Variants in LCORL observed in about 807,000 individuals in gnomAD.
LCORL encodes ligand dependent nuclear receptor corepressor like.
A neutral mutation model predicts 141.8 loss-of-function variants in LCORL; 41 were observed. The observed-to-expected ratio is 0.29, with a 90% CI of 0.23 to 0.38. The LOEUF is 0.38. Ranked by LOEUF, LCORL falls within the 10% of genes least tolerant of loss-of-function variation. The pLI is 1.00. For synonymous variants in LCORL, 618 were observed against 694.1 expected, an observed-to-expected ratio of 0.89 and a Z score of 1.72; for missense variants, 1,759 against 2,035.0, an observed-to-expected ratio of 0.86 and a Z score of 2.61.
At chr4:17,989,030 G>A (rs888759727) in intron 1 of LCORL, among the ~76,000 whole-genome samples, 11 of 152,076 alleles carry the variant, frequency 7.2e-5, no homozygotes, top group Admixed American at 3.3e-4. Context: ...TTTCTTTTTG[G>A]TTTCCATGGA....
At chr4:17,873,016 G>C (rs1726538044) in intron 7 of LCORL, among the ~76,000 whole-genome samples, 1 of 151,948 alleles carries the variant, frequency 6.6e-6, no homozygotes, top group Non-Finnish European at 1.5e-5. Context: ...TTATAGTGTG[G>C]TACTTAATTT....
At chr4:18,017,001 T>C (rs1724741524) in intron 1 of LCORL, among the ~76,000 whole-genome samples, 1 of 152,128 alleles carries the variant, frequency 6.6e-6, no homozygotes, top group South Asian at 2.1e-4. Context: ...GAGGTAAATT[T>C]GGAAAAGGAG....
rs200182859 is a variant in LCORL, at chr4:17,986,731, C to CT, written c.155-13847dup. ...TGCTGTTCTCCCGAATCTCAATGAT[C>CT]TTTTTTTTTTCCTATCTATATTCTG... On this transcript the variant is annotated intron_variant, in intron 1 of 7. Transcript: ENST00000635767. Among the ~76,000 whole-genome samples, 24 of 149,818 alleles carry CT rather than the reference C, an allele frequency of 1.6e-4. No homozygotes were observed. In the East Asian group the frequency reaches 2.3e-3, roughly 15 times the overall value.
exon 2 of LCORL, chr4:17,972,853 G>A: frequency 7.0e-7 from 1 of 1,437,430 alleles, no homozygotes; most frequent in Non-Finnish European, 9.1e-7. Context: ...CGTAGCCGTG[G>A]TCCATAAAGC....
At chr4:17,907,262 G>A (rs539235456) in intron 5 of LCORL, among the ~76,000 whole-genome samples, 2 of 152,156 alleles carry the variant, frequency 1.3e-5, no homozygotes, top group African/African-American at 2.4e-5. Context: ...GATGAGGAAC[G>A]GGGGGTAGAC....
At chr4:17,917,256 A>G (rs1193467150) in intron 4 of LCORL, among the ~76,000 whole-genome samples, 5 of 151,860 alleles carry the variant, frequency 3.3e-5, no homozygotes, top group African/African-American at 9.7e-5. Flanking sequence ...CTGGAGTGCA[A>G]TGGCACGATC....
chr4:17,938,171 AATTTTTTGTATTTTTATT>A (rs1737192143), intron 4 of LCORL, among the ~76,000 whole-genome samples: 1 of 150,916 alleles, frequency 6.6e-6, no homozygotes, highest in Non-Finnish European at 1.5e-5. Flanking sequence ...ACGCCTGGCT[AATTTTTTGTATTTTTATT>A]AGAGATGGGG....
chr4:17,955,220 A>C (rs531216599), intron 4 of LCORL, among the ~76,000 whole-genome samples: 21 of 152,322 alleles, frequency 1.4e-4, no homozygotes, highest in African/African-American at 5.1e-4. Flanking sequence ...AGAAACCAAG[A>C]AAGTGATCAG....
In LCORL at chr4:17,873,071, C is replaced by A. The variant is rs60147467; in HGVS notation, c.5602+317G>T. On this transcript the variant is annotated intron_variant, in intron 7 of 7. Coordinates refer to ENST00000635767, the Ensembl canonical transcript of LCORL. Reference sequence around the variant, plus strand: ...TATTTATCTGTCAAACTGCTTACTGCTTTTATTAGATCTACCAAATGCAAA... The same window carrying A: ...TATTTATCTGTCAAACTGCTTACTGATTTTATTAGATCTACCAAATGCAAA... Among the ~76,000 whole-genome samples, 17 of 152,136 alleles carry A rather than the reference C, an allele frequency of 1.1e-4. No homozygotes were observed. The East Asian group carries it at 2.3e-3, about 21-fold the overall frequency.
At chr4:17,934,653 A>G (rs913818577) in intron 4 of LCORL, among the ~76,000 whole-genome samples, 1 of 152,166 alleles carries the variant, frequency 6.6e-6, no homozygotes, top group Non-Finnish European at 1.5e-5. Flanking sequence ...TCATTCAGTA[A>G]GTAAATAATC....
At chr4:17,991,985 C>T (rs1195986500) in intron 1 of LCORL, among the ~76,000 whole-genome samples, 1 of 152,062 alleles carries the variant, frequency 6.6e-6, no homozygotes, top group Non-Finnish European at 1.5e-5. Flanking sequence ...TAAAGGGGAG[C>T]AGAGGTAAAA....
exon 8 of LCORL, chr4:17,843,622 A>AGTC (rs900492647): frequency 1.6e-5 from 7 of 440,226 alleles, no homozygotes; most frequent in African/African-American, 1.2e-4. Context: ...AGTGTGCATC[A>AGTC]GTCAGTCACA....
intron 1 of LCORL, among the ~76,000 whole-genome samples, chr4:18,004,520 C>T (rs1339147680): frequency 6.6e-6 from 1 of 152,160 alleles, no homozygotes; most frequent in East Asian, 1.9e-4. Flanking sequence ...GAAAGACCCA[C>T]TCCCATAATC....
chr4:17,852,457 C>A (rs754148881), intron 7 of LCORL, among the ~76,000 whole-genome samples: 2 of 151,944 alleles, frequency 1.3e-5, no homozygotes, highest in Non-Finnish European at 2.9e-5. Context: ...TAATGAGAGC[C>A]AATTAGCATG....
intron 7 of LCORL, among the ~76,000 whole-genome samples, chr4:17,857,646 G>T (rs542025181): frequency 6.6e-6 from 1 of 152,104 alleles, no homozygotes; most frequent in African/African-American, 2.4e-5. Flanking sequence ...TGTTTTGGGG[G>T]GCTGTGCTAG....
intron 2 of LCORL, among the ~76,000 whole-genome samples, chr4:17,968,353 T>A (rs1211743095): frequency 6.6e-6 from 1 of 152,190 alleles, no homozygotes; most frequent in Non-Finnish European, 1.5e-5. Context: ...TCAATTCATA[T>A]TAGAAAACTA....
chr4:17,842,649 C>T (rs1722528459), exon 8 of LCORL: 1 of 315,816 alleles, frequency 3.2e-6, no homozygotes, highest in Admixed American at 4.6e-5. Flanking sequence ...TGTGACTCCT[C>T]TTTGATCTTC....
At chr4:17,957,364 G>A (rs560923598) in intron 4 of LCORL, among the ~76,000 whole-genome samples, 32 of 152,080 alleles carry the variant, frequency 2.1e-4, no homozygotes, top group African/African-American at 7.7e-4. Flanking sequence ...GTCTACAAAA[G>A]CATCCTTTAT....
chr4:17,874,665 C>A, exon 7 of LCORL: 1 of 1,233,756 alleles, frequency 8.1e-7, no homozygotes, highest in Non-Finnish European at 1.0e-6. Flanking sequence ...TTGCTCAAAT[C>A]TATTGTTTAA....
Sources: gnomAD v4.1 joint callset for allele counts (sites outside exome capture counted in the v4.1 genomes callset) on GRCh38, gnomAD v4.1.1 for gene constraint, MANE v1.5 for transcripts, NCBI Gene and HGNC (gene_info 2026-07-23, HGNC 2026-07-21) for gene names.